SLC35F3: variants seen among roughly 807,000 people sequenced by gnomAD.
SLC35F3 encodes the protein solute carrier family 35 member F3.
SLC35F3 carries 25 observed loss-of-function variants against 49.9 expected under a neutral mutation model. The observed-to-expected ratio is 0.50, with a 90% CI of 0.37 to 0.70. The LOEUF (loss-of-function observed/expected upper bound fraction) is 0.70, where lower values mean the gene tolerates loss of function less well. Ranked by LOEUF, SLC35F3 falls within the 30% of genes least tolerant of loss-of-function variation. The pLI, the probability that SLC35F3 is intolerant of heterozygous loss-of-function variation, is 0.00. For synonymous variants in SLC35F3, 275 were observed against 265.4 expected, an observed-to-expected ratio of 1.04 and a Z score of -0.35; for missense variants, 525 against 639.8, an observed-to-expected ratio of 0.82 and a Z score of 1.94.
intron 3 of SLC35F3, among the ~76,000 whole-genome samples, chr1:234,267,115 C>T (rs1667993605): frequency 7.1e-6 from 1 of 141,474 alleles, no homozygotes; most frequent in African/African-American, 2.7e-5. Context: ...ATCTGTTTAA[C>T]AAAGCACATC....
At chr1:234,232,675 C>CCACCA (rs1231042588) in intron 3 of SLC35F3, among the ~76,000 whole-genome samples, 1 of 152,058 alleles carries the variant, frequency 6.6e-6, no homozygotes, top group Non-Finnish European at 1.5e-5. Flanking sequence ...GCCTTCTTCC[C>CCACCA]CACCACACCC....
chr1:233,976,138 A>G (rs1663076657), intron 2 of SLC35F3, among the ~76,000 whole-genome samples: 1 of 152,240 alleles, frequency 6.6e-6, no homozygotes. Flanking sequence ...ACAAATTTTT[A>G]AGAAAATCTA....
At chr1:233,991,016 G>T (rs1486770694) in intron 2 of SLC35F3, among the ~76,000 whole-genome samples, 3 of 152,110 alleles carry the variant, frequency 2.0e-5, no homozygotes, top group Non-Finnish European at 2.9e-5. Flanking sequence ...ACTCTCCAAG[G>T]CCCCTCTTTT....
At chr1:234,059,616 C>CTAGACA (rs55704046) in intron 2 of SLC35F3, among the ~76,000 whole-genome samples, 3,128 of 135,244 alleles carry the variant, frequency 0.023, 86 homozygotes, top group East Asian at 0.098. Flanking sequence ...TAGACATAGA[C>CTAGACA]TAGACATAGA....
Position 234,231,326 on chromosome 1 carries a change from C to A in SLC35F3, c.284-91C>A. 2 of 1,133,678 alleles carry A rather than the reference C, an allele frequency of 1.8e-6. No homozygotes were observed. The highest frequency in any genetic ancestry group is 2.4e-6 in the Non-Finnish European group (2 of 825,622). 70.2% of individuals were successfully genotyped at this position (1,133,678 alleles called of 1,614,324 possible). On this transcript the variant is annotated intron_variant, in intron 2 of 7. Coordinates refer to ENST00000366618, the MANE Select transcript of SLC35F3 (RefSeq NM_173508.4). This position sits in a 1 kb window ranked among gnomAD's most constrained non-coding sequence, Gnocchi z 5.4. ...GCTATCTCCCCGGGCCCCCAGGTAGCTGGTGGTGACAATGGCTGCAGGGCA... is the reference window on the plus strand; with the variant it reads ...GCTATCTCCCCGGGCCCCCAGGTAGATGGTGGTGACAATGGCTGCAGGGCA...
chr1:234,078,484 T>C (rs1408447003), intron 2 of SLC35F3, among the ~76,000 whole-genome samples: 1 of 152,230 alleles, frequency 6.6e-6, no homozygotes, highest in Non-Finnish European at 1.5e-5. Flanking sequence ...TGAACTCATC[T>C]TCCGCAACAG....
chr1:234,057,021 A>G (rs1168831992), intron 2 of SLC35F3, among the ~76,000 whole-genome samples: 1 of 152,154 alleles, frequency 6.6e-6, no homozygotes, highest in Non-Finnish European at 1.5e-5. Flanking sequence ...TGATCTACAT[A>G]TCTGTTCTTG....
At chr1:233,921,088 T>A (rs1662050764) in intron 2 of SLC35F3, among the ~76,000 whole-genome samples, 1 of 152,266 alleles carries the variant, frequency 6.6e-6, no homozygotes, top group Non-Finnish European at 1.5e-5. Flanking sequence ...AATATATCAC[T>A]ATTAGAAGAC....
intron 2 of SLC35F3, among the ~76,000 whole-genome samples, chr1:233,972,786 T>A (rs1325732619): frequency 6.6e-6 from 1 of 152,266 alleles, no homozygotes; most frequent in Non-Finnish European, 1.5e-5. Context: ...CATTGTATAA[T>A]TTAATTGTCA....
chr1:233,994,962 A>C (rs1385889109), intron 2 of SLC35F3, among the ~76,000 whole-genome samples: 1 of 152,180 alleles, frequency 6.6e-6, no homozygotes, highest in African/African-American at 2.4e-5. Context: ...GCACCTTCAC[A>C]TCTTGTGTGA....
At chr1:234,035,267 G>A (rs1572027423) in intron 2 of SLC35F3, among the ~76,000 whole-genome samples, 2 of 152,170 alleles carry the variant, frequency 1.3e-5, no homozygotes, top group African/African-American at 4.8e-5. Context: ...CTGATAATTT[G>A]GCTAGAGTTG....
chr1:234,284,135 G>T (rs1224108910), intron 3 of SLC35F3, among the ~76,000 whole-genome samples: 1 of 152,114 alleles, frequency 6.6e-6, no homozygotes, highest in Non-Finnish European at 1.5e-5. Context: ...GAACTCCCGG[G>T]CTCAAGCAAT....
chr1:234,206,445 A>T (rs1666970823), intron 2 of SLC35F3, among the ~76,000 whole-genome samples: 1 of 118,720 alleles, frequency 8.4e-6, no homozygotes, highest in Non-Finnish European at 1.6e-5. Flanking sequence ...TCATGGCAGG[A>T]CTTTCCTGGT....
At chr1:233,983,473 C>T (rs1263413619) in intron 2 of SLC35F3, among the ~76,000 whole-genome samples, 1 of 151,994 alleles carries the variant, frequency 6.6e-6, no homozygotes, top group African/African-American at 2.4e-5. Flanking sequence ...TGTGCAGTAC[C>T]CCCACAGAAG....
intron 2 of SLC35F3, among the ~76,000 whole-genome samples, chr1:234,076,478 T>G (rs1664793596): frequency 6.6e-6 from 1 of 151,506 alleles, no homozygotes; most frequent in African/African-American, 2.4e-5. Flanking sequence ...TTTTTTTTTT[T>G]GGAGATGGAG....
intron 2 of SLC35F3, among the ~76,000 whole-genome samples, chr1:233,925,220 A>G (rs142610393): frequency 0.042 from 6,429 of 152,128 alleles, 431 homozygotes; most frequent in African/African-American, 0.14. Flanking sequence ...TCTGTCTAAT[A>G]TTGACAGTGG....
intron 2 of SLC35F3, among the ~76,000 whole-genome samples, chr1:233,913,433 C>A (rs997487925): frequency 1.3e-5 from 2 of 152,152 alleles, no homozygotes; most frequent in Non-Finnish European, 2.9e-5. Flanking sequence ...ATAGTGTTGT[C>A]ACTTCTTTTA....
Position 233,905,666 on chromosome 1 carries a change from C to G in SLC35F3, c.191C>G (p.Thr64Ser). Residue 64 changes from threonine (T) to serine (S), a missense_variant, in exon 2 of 8, where the codon ACC (threonine) becomes AGC (serine). Coordinates refer to ENST00000366618, the MANE Select transcript of SLC35F3 (RefSeq NM_173508.4). ...LKWSRSVEDL[T>S]SGPVGLTSIE... ...TGGTCGCGCTCCGTGGAGGATCTCACCAGCGGGCCGGTGGGGCTCACGTCC... is the reference window on the plus strand; with the variant it reads ...TGGTCGCGCTCCGTGGAGGATCTCAGCAGCGGGCCGGTGGGGCTCACGTCC... The G allele has an allele frequency of 1.2e-6, 2 of 1,614,218 alleles. No individual in the cohort carries two copies.
At chr1:234,070,259 G>C (rs573257926) in intron 2 of SLC35F3, among the ~76,000 whole-genome samples, 2 of 152,146 alleles carry the variant, frequency 1.3e-5, no homozygotes, top group Non-Finnish European at 2.9e-5. Context: ...TTCCTGGAAG[G>C]CCTACCTGCT....
Sources: gnomAD v4.1 joint callset for allele counts (sites outside exome capture counted in the v4.1 genomes callset) on GRCh38, gnomAD v4.1.1 for gene constraint, Gnocchi (gnomAD v3.1) non-coding constraint, MANE v1.5 for transcripts, NCBI Gene and HGNC (gene_info 2026-07-23, HGNC 2026-07-21) for gene names.